HTT: variants seen among roughly 807,000 people sequenced by gnomAD.
HTT encodes huntington disease protein.
Under a neutral mutation model 362.3 loss-of-function variants are expected in HTT, and 104 were observed. That is an observed-to-expected ratio of 0.29 (90% CI 0.24 to 0.34). The LOEUF (loss-of-function observed/expected upper bound fraction) is 0.34, where lower values mean the gene tolerates loss of function less well. Among genes scored for constraint, HTT ranks in the 10% least tolerant of loss-of-function variants. The probability of loss-of-function intolerance (pLI) is 1.00; values close to 1 mark genes in which losing one functional copy is unlikely to be tolerated. For missense variants in HTT, 3,301 were observed against 3,928.6 expected, an observed-to-expected ratio of 0.84 and a Z score of 4.27; for synonymous variants, 1,577 against 1,548.7, an observed-to-expected ratio of 1.02 and a Z score of -0.43.
At chr4:3,193,130 G>C (rs1438683961) in intron 40 of HTT, among the ~76,000 whole-genome samples, 1 of 152,240 alleles carries the variant, frequency 6.6e-6, no homozygotes, top group East Asian at 1.9e-4. Flanking sequence ...ATGCCGGTAG[G>C]GCCCGGCCGC....
At chr4:3,144,487 T>G (rs1183249100) in intron 23 of HTT, among the ~76,000 whole-genome samples, 2 of 152,062 alleles carry the variant, frequency 1.3e-5, no homozygotes, top group Non-Finnish European at 2.9e-5. Context: ...CTGGCTAATT[T>G]TTGTATTTTT....
At chr4:3,110,740 ACTTTT>A (rs1445204889) in intron 6 of HTT, among the ~76,000 whole-genome samples, 1 of 152,010 alleles carries the variant, frequency 6.6e-6, no homozygotes, top group African/African-American at 2.4e-5. Context: ...CTATGAATGT[ACTTTT>A]CTTTGGAAGC....
At chr4:3,219,556 C>T (rs1175896281) in intron 52 of HTT, among the ~76,000 whole-genome samples, 2 of 152,158 alleles carry the variant, frequency 1.3e-5, no homozygotes, top group African/African-American at 2.4e-5. Flanking sequence ...TGGTCATTAT[C>T]ATAGAGCCCC....
chr4:3,234,617 G>A (rs1421018853), intron 61 of HTT, among the ~76,000 whole-genome samples: 3 of 152,218 alleles, frequency 2.0e-5, no homozygotes, highest in East Asian at 3.9e-4. Flanking sequence ...CAGGAGTTGC[G>A]TTTGGGATGC....
intron 29 of HTT, among the ~76,000 whole-genome samples, chr4:3,168,767 A>G (rs993280443): frequency 3.3e-5 from 5 of 152,054 alleles, no homozygotes; most frequent in Non-Finnish European, 7.4e-5. Context: ...GGTCCCAGCT[A>G]CTCGGGGCTG....
At position 3,116,212 on chromosome 4, in the gene HTT, A is replaced by G. The variant is rs981699709; in HGVS notation, c.1017A>G (p.Gly339=). The change falls in exon 8 of 67, where the codon GGA becomes GGG. Residue 339 remains glycine, a synonymous_variant. Coordinates refer to ENST00000355072, the MANE Select transcript of HTT (RefSeq NM_001388492.1). The part of the protein sequence containing the change: ...VKDTSLKGSF[G]VTRKEMEVSP... ...ACACAAGCCTGAAAGGCAGCTTCGG[A>G]GTGACAAGGAAAGAAATGGAAGTCT... 1.2e-5 allele frequency: 19 copies of G among 1,613,818 alleles called. No individual in the cohort carries two copies. In the African/African-American group the frequency reaches 2.3e-4, roughly 19 times the overall value.
chr4:3,182,727 G>A (rs1486888188), intron 37 of HTT, among the ~76,000 whole-genome samples: 1 of 152,204 alleles, frequency 6.6e-6, no homozygotes, highest in Non-Finnish European at 1.5e-5. Flanking sequence ...CACAGCTTTA[G>A]AGTGCTGGGG....
At chr4:3,103,128 G>A (rs561040639) in intron 3 of HTT, among the ~76,000 whole-genome samples, 2 of 151,532 alleles carry the variant, frequency 1.3e-5, no homozygotes, top group Non-Finnish European at 2.9e-5. Flanking sequence ...GTCTGAGCCC[G>A]TATCATCCAA....
chr4:3,183,265 G>C (rs1257977562), intron 37 of HTT, among the ~76,000 whole-genome samples: 3 of 152,250 alleles, frequency 2.0e-5, no homozygotes, highest in Admixed American at 1.3e-4. Flanking sequence ...TGGCCTGGCA[G>C]TGCCAGTTTC....
chr4:3,225,764 G>A (rs775477396), intron 57 of HTT, 21 bp downstream of exon 57: 25 of 1,594,564 alleles, frequency 1.6e-5, no homozygotes, highest in Middle Eastern at 1.7e-4. Flanking sequence ...CGCCCCCGCC[G>A]CCTGGCCTCT....
chr4:3,233,500 C>T (rs1721361870), intron 61 of HTT, 147 bp downstream of exon 61: 1 of 757,776 alleles, frequency 1.3e-6, no homozygotes, highest in Non-Finnish European at 2.2e-6. Flanking sequence ...TGGCTGAGGT[C>T]AGTGAGACGC....
chr4:3,204,887 A>T (rs1437365541), intron 42 of HTT, among the ~76,000 whole-genome samples: 1 of 151,900 alleles, frequency 6.6e-6, no homozygotes, highest in East Asian at 1.9e-4. Context: ...AGAGACTGAG[A>T]AGGGAGGATT....
chr4:3,131,553 C>T (rs1715817427), intron 15 of HTT, 85 bp from the exon 16 acceptor site: 2 of 1,553,752 alleles, frequency 1.3e-6, no homozygotes, highest in South Asian at 1.1e-5. Context: ...ATGATGGGAG[C>T]AGGTAGGTTA....
chr4:3,206,369 A>G lies in HTT; in HGVS notation c.5719-127A>G, dbSNP rs985406723. The G allele has an allele frequency of 1.1e-5, 8 of 717,484 alleles. No individual in the cohort carries two copies. Among genetic ancestry groups the G allele is most frequent in the Non-Finnish European group, 1.9e-5 (8 of 427,140 alleles). 44.4% of individuals were successfully genotyped at this position (717,484 alleles called of 1,614,324 possible). A position where few individuals can be genotyped will look rare whatever the true frequency, so the allele number is the denominator to read the frequency against. On this transcript the variant is annotated intron_variant, in intron 42 of 66. Coordinates refer to ENST00000355072, the MANE Select transcript of HTT (RefSeq NM_001388492.1). This position sits in a 1 kb window ranked among gnomAD's most constrained non-coding sequence, Gnocchi z 4.6. Reference sequence around the variant, plus strand: ...AATTATTTGTGCTCATACACTGTATATTTTTAGTGAGGTTTATATTTGGGA... The same window carrying G: ...AATTATTTGTGCTCATACACTGTATGTTTTTAGTGAGGTTTATATTTGGGA...
chr4:3,220,340 T>C, intron 53 of HTT, 32 bp downstream of exon 53: 1 of 1,598,766 alleles, frequency 6.3e-7, no homozygotes, highest in Non-Finnish European at 8.6e-7. Context: ...CAGGTCACCA[T>C]TGTCGGACAT....
intron 2 of HTT, among the ~76,000 whole-genome samples, chr4:3,088,103 C>T (rs1330614380): frequency 2.6e-5 from 4 of 151,964 alleles, no homozygotes; most frequent in African/African-American, 9.7e-5. Flanking sequence ...TCCCAAAGTG[C>T]TGGGATTACA....
chr4:3,227,211 CCCACCCCTG>C (rs1720963722), intron 57 of HTT, among the ~76,000 whole-genome samples: 1 of 149,518 alleles, frequency 6.7e-6, no homozygotes, highest in South Asian at 2.1e-4. Flanking sequence ...GAAGTACGGT[CCCACCCCTG>C]CCCTGTCTGG....
intron 45 of HTT, among the ~76,000 whole-genome samples, chr4:3,208,066 T>C (rs562922033): frequency 6.6e-6 from 1 of 152,196 alleles, no homozygotes; most frequent in Non-Finnish European, 1.5e-5. Flanking sequence ...ATTATGCTTT[T>C]CAGTCTTTAG....
In HTT at chr4:3,241,462, T is replaced by G. The variant is rs1190469591; in HGVS notation, c.*1403T>G. 1 of 152,440 alleles carries G rather than the reference T, an allele frequency of 6.6e-6. No homozygotes were observed. Among genetic ancestry groups the G allele is most frequent in the East Asian group, 1.9e-4 (1 of 5,184 alleles). The allele number at this position is 152,440 out of a possible 1,614,324, so 9.4% of individuals were successfully genotyped here. ...CTGGATGGCCGGGCTGCTGCTGATG[T>G]AGGAGCTGGATTTGGGAGCTCTGCT... On this transcript the variant is annotated 3_prime_UTR_variant, in exon 67 of 67. Transcript: ENST00000355072.
Sources: gnomAD v4.1 joint callset for allele counts (sites outside exome capture counted in the v4.1 genomes callset) on GRCh38, gnomAD v4.1.1 for gene constraint, Gnocchi (gnomAD v3.1) non-coding constraint, MANE v1.5 for transcripts, NCBI Gene and HGNC (gene_info 2026-07-23, HGNC 2026-07-21) for gene names.